Variants in TRPS1 observed in about 807,000 individuals in gnomAD.
TRPS1 encodes the protein transcriptional repressor GATA binding 1, also known as zinc finger transcription factor Trps1.
Under a neutral mutation model 101.2 loss-of-function variants are expected in TRPS1, and 6 were observed. The ratio of observed to expected loss-of-function variants is 0.06; its 90% confidence interval spans 0.03 to 0.12. The LOEUF is 0.12. TRPS1 is among the 10% of genes least tolerant of loss of function. The probability of loss-of-function intolerance (pLI) is 1.00; values close to 1 mark genes in which losing one functional copy is unlikely to be tolerated. For missense variants in TRPS1, 1,363 were observed against 1,567.0 expected (o/e 0.87, Z 2.20); for synonymous variants, 578 against 589.8 (o/e 0.98, Z 0.29).
chr8:115,623,696 A>T lies in TRPS1; in HGVS notation c.-59T>A. 1.9e-6 allele frequency: 3 copies of T among 1,596,252 alleles called. No individual in the cohort carries two copies. Among genetic ancestry groups the T allele is most frequent in the Non-Finnish European group, 2.6e-6 (3 of 1,170,218 alleles). On this transcript the variant is annotated 5_prime_UTR_variant, in exon 2 of 7. Transcript: ENST00000395715. ...CTATTAGTCAACTAGCAGGAGGCTA[A>T]TGCAATTGTCTTAGAAGACGCTCAG...
chr8:115,475,113 T>C (rs1208168885), intron 5 of TRPS1, among the ~76,000 whole-genome samples: 1 of 151,914 alleles, frequency 6.6e-6, no homozygotes, highest in East Asian at 1.9e-4. Flanking sequence ...TAGTGTTATT[T>C]TAAAAGAATG....
intron 4 of TRPS1, among the ~76,000 whole-genome samples, chr8:115,602,835 T>C (rs1483454625): frequency 3.3e-5 from 5 of 152,196 alleles, no homozygotes; most frequent in Non-Finnish European, 7.3e-5. Flanking sequence ...AAACGCAGGG[T>C]ACCACCAATG....
intron 3 of TRPS1, among the ~76,000 whole-genome samples, chr8:115,608,553 A>T (rs977982959): frequency 2.0e-5 from 3 of 147,324 alleles, no homozygotes; most frequent in Non-Finnish European, 4.4e-5. Context: ...CTATGAAAAG[A>T]TACATTATTT....
chr8:115,509,657 T>A (rs1469144438), intron 5 of TRPS1: 2 of 151,994 alleles, frequency 1.3e-5, no homozygotes, highest in African/African-American at 4.8e-5. Flanking sequence ...AAGAAGTTGA[T>A]CCATTTTGAG....
chr8:115,539,259 A>G (rs1187406667), intron 5 of TRPS1, among the ~76,000 whole-genome samples: 2 of 152,218 alleles, frequency 1.3e-5, no homozygotes, highest in Non-Finnish European at 2.9e-5. Context: ...ATAGGTAGCA[A>G]CAAGGGTTTC....
chr8:115,522,287 G>A (rs558297809), intron 5 of TRPS1, among the ~76,000 whole-genome samples: 2 of 151,988 alleles, frequency 1.3e-5, no homozygotes, highest in South Asian at 2.1e-4. Context: ...GCATTTATGA[G>A]CTTTGCATAT....
chr8:115,587,187 C>T lies in TRPS1; in HGVS notation c.2514G>A (p.Lys838=), dbSNP rs1447481473. The change falls in exon 5 of 7, where the codon AAG becomes AAA. Residue 838 remains lysine, a synonymous_variant. Coordinates refer to ENST00000395715, the MANE Select transcript of TRPS1 (RefSeq NM_014112.5). The part of the protein sequence containing the change: ...TPVSGTQEQT[K]TLRDSPNVEA... ...CCACATTGGGACTATCCCTTAGAGT[C>T]TTTGTCTGCTCTTGGGTGCCAGACA... The T allele has an allele frequency of 1.9e-6, 3 of 1,614,214 alleles. No individual in the cohort carries two copies. The highest frequency in any genetic ancestry group is 2.5e-6 in the Non-Finnish European group (3 of 1,180,022).
rs934851286 is a variant in TRPS1, at chr8:115,604,194, C to G, written c.1775G>C (p.Gly592Ala). The change falls in exon 4 of 7, where the codon GGA becomes GCA. Residue 592 changes from glycine to alanine, a missense_variant. Gly to Ala is a moderately conservative substitution (Grantham distance 60). Around this residue, in one of 5 missense-constraint regions of TRPS1, gnomAD observed 1,020 missense variants for 1,073.0 expected, o/e 0.95. Transcript: ENST00000395715. This position sits in a 1 kb window ranked among gnomAD's most constrained non-coding sequence, Gnocchi z 4.1. ...RGLCSPEKHL[G>A]EITYPFACRK... ...ACAAGCAAACGGATAAGTAATTTCT[C>G]CAAGGTGCTTTTCTGGGCTGCAAAG... 3 of 1,614,046 alleles carry G rather than the reference C, an allele frequency of 1.9e-6. No homozygotes were observed. Among genetic ancestry groups the G allele is most frequent in the South Asian group, 2.2e-5 (2 of 91,078 alleles).
At chr8:115,536,696 T>C (rs982541833) in intron 5 of TRPS1, among the ~76,000 whole-genome samples, 1 of 151,936 alleles carries the variant, frequency 6.6e-6, no homozygotes, top group Admixed American at 6.6e-5. Flanking sequence ...CTGTTCACTA[T>C]CATCATCCCA....
chr8:115,472,121 C>T (rs572788625), intron 5 of TRPS1, among the ~76,000 whole-genome samples: 39 of 152,300 alleles, frequency 2.6e-4, no homozygotes, highest in East Asian at 2.5e-3. Context: ...GGGCTCCTAC[C>T]GCACATTTCC....
At position 115,442,474 on chromosome 8, in the gene TRPS1, T is replaced by C. The variant is rs566306537; in HGVS notation, c.2701-24022A>G. ...AAATAGGGGGCTGCACTAATACATA[T>C]ATAATGTACATACATACTTTCTTCT... On this transcript the variant is annotated intron_variant, in intron 5 of 6. Transcript: ENST00000395715. Among the ~76,000 whole-genome samples, 25 of 152,156 alleles carry C rather than the reference T, an allele frequency of 1.6e-4. No homozygotes were observed. In the South Asian group the frequency reaches 3.9e-3, roughly 24 times the overall value.
At chr8:115,489,473 C>T (rs1414609787) in intron 5 of TRPS1, among the ~76,000 whole-genome samples, 5 of 152,130 alleles carry the variant, frequency 3.3e-5, no homozygotes, top group African/African-American at 1.2e-4. Context: ...CATTGTCTGG[C>T]AGAATTTGGT....
At chr8:115,446,867 G>A (rs1337869177) in intron 5 of TRPS1, among the ~76,000 whole-genome samples, 1 of 152,078 alleles carries the variant, frequency 6.6e-6, no homozygotes, top group East Asian at 1.9e-4. Context: ...AGTCTCCTTA[G>A]CAGTTTTCAG....
intron 5 of TRPS1, among the ~76,000 whole-genome samples, chr8:115,482,084 G>A (rs1814767801): frequency 6.6e-6 from 1 of 152,130 alleles, no homozygotes; most frequent in African/African-American, 2.4e-5. Flanking sequence ...CCCAGATTGA[G>A]TATAAACTGG....
At chr8:115,505,078 AGAC>A (rs1225198730) in intron 5 of TRPS1, among the ~76,000 whole-genome samples, 2 of 152,124 alleles carry the variant, frequency 1.3e-5, no homozygotes, top group Non-Finnish European at 2.9e-5. Context: ...AATAAATAAA[AGAC>A]AGCCCTTTCC....
chr8:115,562,517 A>C (rs1251357122), intron 5 of TRPS1, among the ~76,000 whole-genome samples: 1 of 152,014 alleles, frequency 6.6e-6, no homozygotes, highest in Non-Finnish European at 1.5e-5. Context: ...AGGAAAAAAA[A>C]AAAAAAAGCT....
In TRPS1 at chr8:115,590,629, G is replaced by A. The variant is rs182656403; in HGVS notation, c.2097-3025C>T. On this transcript the variant is annotated intron_variant, in intron 4 of 6. Transcript: ENST00000395715. ...GACTCTCAGTTCTTACTGGTGAAAT[G>A]ACCAACCACATGTAAGCGTGTAGAC... is the stretch of plus-strand genomic sequence containing the variant. Among the ~76,000 whole-genome samples, 354 of 152,264 alleles carry A rather than the reference G, an allele frequency of 2.3e-3. 9 individuals carry two copies. The South Asian group carries it at 0.046, about 20-fold the overall frequency.
chr8:115,514,544 A>G (rs1815661756), intron 5 of TRPS1, among the ~76,000 whole-genome samples: 1 of 151,622 alleles, frequency 6.6e-6, no homozygotes, highest in Non-Finnish European at 1.5e-5. Context: ...CTATCCCAAG[A>G]TGTTAGCACA....
At chr8:115,516,592 T>C (rs1815718168) in intron 5 of TRPS1, among the ~76,000 whole-genome samples, 1 of 151,658 alleles carries the variant, frequency 6.6e-6, no homozygotes, top group African/African-American at 2.4e-5. Context: ...TTTAAAAGTT[T>C]AACCGTTGCT....
Sources: allele counts gnomAD v4.1 joint callset (sites outside exome capture counted in the v4.1 genomes callset), GRCh38; gene constraint gnomAD v4.1.1; regional missense constraint gnomAD v4.1.1; non-coding constraint Gnocchi (gnomAD v3.1); transcripts MANE v1.5; gene names NCBI Gene and HGNC (gene_info 2026-07-23, HGNC 2026-07-21).